Variants in DMC1 observed in about 807,000 individuals in gnomAD.
The protein encoded by DMC1 is meiotic recombination protein DMC1 homolog.
In DMC1, 27 loss-of-function variants were observed where a neutral mutation model predicts 50.1. The observed-to-expected ratio is 0.54, with a 90% confidence interval of 0.40 to 0.74. The LOEUF is 0.74. Ranked by LOEUF, DMC1 falls within the 30% of genes least tolerant of loss-of-function variation. DMC1 has a pLI of 0.00. For synonymous variants in DMC1, 148 were observed against 136.1 expected (o/e 1.09, Z -0.61); for missense variants, 295 against 420.2 (o/e 0.70, Z 2.60).
chr22:38,541,511 T>G (rs1424739406), intron 8 of DMC1, among the ~76,000 whole-genome samples: 1 of 152,166 alleles, frequency 6.6e-6, no homozygotes, highest in Non-Finnish European at 1.5e-5. Context: ...AGGATGGTCT[T>G]GAACTCCTGA....
intron 3 of DMC1, 39 bp downstream of exon 3, chr22:38,567,544 G>C: frequency 6.6e-7 from 1 of 1,525,952 alleles, no homozygotes; most frequent in South Asian, 1.1e-5. Flanking sequence ...GAGAAATCCT[G>C]AATCAGACAA....
chr22:38,530,504 C>T (rs2145822395), intron 12 of DMC1, among the ~76,000 whole-genome samples: 1 of 152,130 alleles, frequency 6.6e-6, no homozygotes, highest in Admixed American at 6.6e-5. Flanking sequence ...GATTCAACAA[C>T]TTACTGAGAT....
chr22:38,532,318 CTT>C (rs1334815968), intron 12 of DMC1, among the ~76,000 whole-genome samples: 3 of 139,624 alleles, frequency 2.1e-5, no homozygotes. Context: ...TATTGTCTTT[CTT>C]TTTTTTTTTT....
chr22:38,518,684 G>A (rs112672245), downstream of DMC1, among the ~76,000 whole-genome samples: 1 of 151,716 alleles, frequency 6.6e-6, no homozygotes, highest in Non-Finnish European at 1.5e-5. Context: ...GCACACACCA[G>A]CACGCCTGGC....
At chr22:38,568,547 T>G in intron 1 of DMC1, 1 of 493,180 alleles carries the variant, frequency 2.0e-6, no homozygotes, top group East Asian at 3.6e-5. Flanking sequence ...TAGTTTCTTC[T>G]CTTTCCCCAA....
At chr22:38,517,651 A>G (rs1433621503), downstream of DMC1, among the ~76,000 whole-genome samples, 5 of 152,326 alleles carry the variant, frequency 3.3e-5, 1 homozygote, top group Middle Eastern at 6.8e-3. Context: ...TTTAAAATAT[A>G]CACAATGAAT....
intron 8 of DMC1, chr22:38,545,772 T>C (rs2090337569): frequency 6.6e-6 from 1 of 152,156 alleles, no homozygotes; most frequent in East Asian, 1.9e-4. Context: ...GAAGTTCAGA[T>C]CAATTATAAA....
At chr22:38,553,126 G>A (rs1372374194) in intron 6 of DMC1, among the ~76,000 whole-genome samples, 2 of 151,680 alleles carry the variant, frequency 1.3e-5, no homozygotes, top group East Asian at 1.9e-4. Flanking sequence ...GGGATTACAG[G>A]TGTGAGCCAC....
chr22:38,509,609 T>A, the DMC1 span, among the ~76,000 whole-genome samples: 1 of 152,138 alleles, frequency 6.6e-6, no homozygotes, highest in Non-Finnish European at 1.5e-5. Flanking sequence ...TGTAAAGATC[T>A]TGGAGGCCCA....
chr22:38,547,517 T>C (rs565297152), intron 8 of DMC1, among the ~76,000 whole-genome samples: 1 of 151,616 alleles, frequency 6.6e-6, no homozygotes, highest in African/African-American at 2.4e-5. Context: ...CTCCTCAAAC[T>C]AGTATATTTT....
At chr22:38,541,661 C>T (rs2090282570) in intron 8 of DMC1, among the ~76,000 whole-genome samples, 1 of 152,134 alleles carries the variant, frequency 6.6e-6, no homozygotes, top group Non-Finnish European at 1.5e-5. Flanking sequence ...GTGTTATTTT[C>T]CAGGTCTTCT....
intron 12 of DMC1, among the ~76,000 whole-genome samples, chr22:38,530,562 T>C (rs775807640): frequency 3.3e-5 from 5 of 152,054 alleles, no homozygotes; most frequent in Admixed American, 6.6e-5. Flanking sequence ...GTGAGTTACA[T>C]TGGGGTCACA....
At chr22:38,562,404 T>C in intron 4 of DMC1, 35 bp from the exon 5 acceptor site, 1 of 1,430,210 alleles carries the variant, frequency 7.0e-7, no homozygotes, top group Non-Finnish European at 9.9e-7. Flanking sequence ...TCAAAAAGAG[T>C]TTAAAGATCA....
chr22:38,515,351 A>T (rs1341641010), downstream of DMC1, among the ~76,000 whole-genome samples: 1 of 151,428 alleles, frequency 6.6e-6, no homozygotes. Context: ...GAGGTTAGGC[A>T]TGCCTGTAAC....
intron 7 of DMC1, among the ~76,000 whole-genome samples, chr22:38,551,884 C>T (rs1389572687): frequency 9.1e-6 from 1 of 109,796 alleles, no homozygotes; most frequent in African/African-American, 3.6e-5. Flanking sequence ...TTTTTTGAGA[C>T]GAGTCTTGCT....
At chr22:38,509,831 ATTTTT>A in the DMC1 span, among the ~76,000 whole-genome samples, 15 of 151,996 alleles carry the variant, frequency 9.9e-5, no homozygotes, top group African/African-American at 3.6e-4. Flanking sequence ...CATGACGCTA[ATTTTT>A]ATATTTTTTA....
At chr22:38,553,981 A>T (rs1272979445) in intron 6 of DMC1, among the ~76,000 whole-genome samples, 1 of 149,766 alleles carries the variant, frequency 6.7e-6, no homozygotes, top group Admixed American at 6.7e-5. Flanking sequence ...AAAAAAAAAA[A>T]ATCAGCCAGG....
At chr22:38,568,464 T>TGTGTGTGTGC in intron 1 of DMC1, 175 bp from the exon 2 acceptor site, 1 of 604,590 alleles carries the variant, frequency 1.7e-6, no homozygotes, top group Non-Finnish European at 2.9e-6. Context: ...TGTGTGTGTG[T>TGTGTGTGTGC]GTGTGTGTGC....
the DMC1 span, among the ~76,000 whole-genome samples, chr22:38,513,659 C>T: frequency 6.6e-6 from 1 of 152,176 alleles, no homozygotes; most frequent in East Asian, 1.9e-4. Flanking sequence ...CTCACTGCAA[C>T]CTCCGACTAT....
Sources: allele counts gnomAD v4.1 joint callset (sites outside exome capture counted in the v4.1 genomes callset), GRCh38; gene constraint gnomAD v4.1.1; transcripts MANE v1.5; gene names NCBI Gene and HGNC (gene_info 2026-07-23, HGNC 2026-07-21).